ZNF268: variants seen among roughly 807,000 people sequenced by gnomAD.
ZNF268 encodes the protein zinc finger protein 268.
ZNF268 carries 20 observed loss-of-function variants against 29.3 expected under a neutral mutation model. The ratio of observed to expected loss-of-function variants is 0.68; its 90% confidence interval spans 0.48 to 0.99. ZNF268 has a LOEUF of 0.99. ZNF268 is among the 50% of genes least tolerant of loss of function. The pLI is 0.00. For synonymous variants in ZNF268, 429 were observed against 376.9 expected, an observed-to-expected ratio of 1.14 and a Z score of -1.60; for missense variants, 1,240 against 1,121.6, an observed-to-expected ratio of 1.11 and a Z score of -1.51.
intron 5 of ZNF268, among the ~76,000 whole-genome samples, chr12:133,195,860 G>T (rs1956579533): frequency 6.6e-6 from 1 of 151,888 alleles, no homozygotes; most frequent in Admixed American, 6.5e-5. Context: ...TGGGATTACA[G>T]GTACGCGCTA....
rs775640592 is a variant in ZNF268 at position 133,202,787 on chromosome 12, A to G, written c.1101A>G (p.Lys367=). 12 of 1,609,626 alleles carry G rather than the reference A, an allele frequency of 7.5e-6. No individual in the cohort carries two copies. Among genetic ancestry groups the G allele is most frequent in the Middle Eastern group, 3.3e-4 (2 of 6,084 alleles). ...ENPYECCECG[K]VFSRKDQLVS... is the part of the protein sequence containing the mutation. ...CCTATGAGTGCTGTGAATGTGGGAA[A>G]GTCTTCAGTAGGAAAGACCAGCTTG... Residue 367 remains lysine, a synonymous_variant, in exon 6 of 6, where the codon AAA becomes AAG. Coordinates refer to ENST00000536435, the MANE Select transcript of ZNF268 (RefSeq NM_003415.3).
At position 133,211,171 on chromosome 12, in the gene ZNF268, T is replaced by A; in HGVS notation, c.*6641T>A. ...TTGGAATTTGTAATGAATAAAATCATTCAAAAAAATCTGAAAAAGTGTTTG... is the reference window on the plus strand; with the variant it reads ...TTGGAATTTGTAATGAATAAAATCAATCAAAAAAATCTGAAAAAGTGTTTG... On this transcript the variant is annotated 3_prime_UTR_variant, in exon 6 of 6. Transcript: ENST00000536435. 2 of 348,538 alleles carry A rather than the reference T, an allele frequency of 5.7e-6. No individual in the cohort carries two copies. The highest frequency in any genetic ancestry group is 1.1e-5 in the Non-Finnish European group (2 of 175,298). 21.6% of individuals were successfully genotyped at this position (348,538 alleles called of 1,614,324 possible).
intron 5 of ZNF268, among the ~76,000 whole-genome samples, chr12:133,201,623 TC>T (rs1361288214): frequency 6.6e-6 from 1 of 152,112 alleles, no homozygotes; most frequent in East Asian, 1.9e-4. Context: ...GGAATGATGT[TC>T]CCTCTCAGTT....
In ZNF268 at chr12:133,187,861, T is replaced by G. The variant is rs938132477; in HGVS notation, c.34-11T>G. On this transcript the variant is annotated splice_polypyrimidine_tract_variant and intron_variant, in intron 2 of 5. Transcript: ENST00000536435. Reference sequence around the variant, plus strand: ...ATGCTCGCTAAAGTAAATTTGCTCTTGAGTCCACAGGTCCCACCTCTCCAA... The same window carrying G: ...ATGCTCGCTAAAGTAAATTTGCTCTGGAGTCCACAGGTCCCACCTCTCCAA... 7.0e-6 allele frequency: 11 copies of G among 1,578,210 alleles called. No individual in the cohort carries two copies. The African/African-American group carries it at 1.2e-4, about 17-fold the overall frequency.
rs1956845639 is a variant in ZNF268 at position 133,204,340 on chromosome 12, C to G, written c.2654C>G (p.Thr885Ser). 1 of 1,568,172 alleles carries G rather than the reference C, an allele frequency of 6.4e-7. No individual in the cohort carries two copies. Among genetic ancestry groups the G allele is most frequent in the Non-Finnish European group, 8.6e-7 (1 of 1,160,470 alleles). The change falls in exon 6 of 6, where the codon ACT becomes AGT. Residue 885 changes from threonine (T) to serine (S), a missense_variant. Thr to Ser is a moderately conservative substitution (Grantham distance 58). Around this residue, in one of 3 missense-constraint regions of ZNF268, gnomAD observed 1,177 missense variants for 1,039.6 expected, o/e 1.13. Transcript: ENST00000536435. Reference sequence around the variant, plus strand: ...TCTCAACTCATTGTACATCAAAGAACTCATTCAGGAGAGAAACCCTATGGG... The same window carrying G: ...TCTCAACTCATTGTACATCAAAGAAGTCATTCAGGAGAGAAACCCTATGGG... Reference protein sequence around the residue: ...RNSQLIVHQRTHSGEKPYGCN... With the variant: ...RNSQLIVHQRSHSGEKPYGCN...
intron 3 of ZNF268, 64 bp from the exon 4 acceptor site, chr12:133,191,425 A>G: frequency 2.5e-6 from 4 of 1,604,788 alleles, no homozygotes; most frequent in Non-Finnish European, 1.7e-6. Context: ...GGACACCCTA[A>G]ACAGCTAGTT....
At chr12:133,196,793 A>G (rs560573587) in intron 5 of ZNF268, among the ~76,000 whole-genome samples, 1 of 152,250 alleles carries the variant, frequency 6.6e-6, no homozygotes, top group Admixed American at 6.5e-5. Flanking sequence ...TTGTTAGTGC[A>G]TTAACGGAAG....
Position 133,191,571 on chromosome 12 carries a change from A to ACAGGAG in ZNF268, c.318_323dup (p.Arg107_Ser108dup). 1 of 1,614,134 alleles carries ACAGGAG rather than the reference A, an allele frequency of 6.2e-7. No individual in the cohort carries two copies. The highest frequency in any genetic ancestry group is 8.5e-7 in the Non-Finnish European group (1 of 1,180,012). Reference sequence around the variant, plus strand: ...CTAGACCCAGCACAGAAGTGCCTGTACAGGAGTGTGATGTTGGAGAACTAT... The same window carrying ACAGGAG: ...CTAGACCCAGCACAGAAGTGCCTGTACAGGAGCAGGAGTGTGATGTTGGAGAACTAT... On this transcript the variant is annotated inframe_insertion, in exon 4 of 6. Transcript: ENST00000536435.
chr12:133,200,253 AC>A (rs1290889229), intron 5 of ZNF268, among the ~76,000 whole-genome samples: 1 of 152,218 alleles, frequency 6.6e-6, no homozygotes, highest in African/African-American at 2.4e-5. Flanking sequence ...GTTTCAAAGA[AC>A]ATCTTTATTT....
chr12:133,210,983 A>G lies in ZNF268; in HGVS notation c.*6453A>G, dbSNP rs908915736. ...AGTCCCAGTGAACCCCTGAAATTCAATCTTACGATTTTCCATGCCATAATT... is the reference window on the plus strand; with the variant it reads ...AGTCCCAGTGAACCCCTGAAATTCAGTCTTACGATTTTCCATGCCATAATT... On this transcript the variant is annotated 3_prime_UTR_variant, in exon 6 of 6. Transcript: ENST00000536435. 2.2e-5 allele frequency: 10 copies of G among 455,940 alleles called. No individual in the cohort carries two copies. Among genetic ancestry groups the G allele is most frequent in the Non-Finnish European group, 3.5e-5 (8 of 226,814 alleles). The allele number at this position is 455,940 out of a possible 1,614,324, so 28.2% of individuals were successfully genotyped here. A position where few individuals can be genotyped will look rare whatever the true frequency, so the allele number is the denominator to read the frequency against.
rs1204276611 is a variant in ZNF268 at position 133,204,467 on chromosome 12, A to G, written c.2781A>G (p.Lys927=). ...EKPCKCTECG[K]AFCWKSQLIM... is the part of the protein sequence containing the mutation. The stretch of plus-strand genomic sequence containing the variant: ...CTTGTAAGTGCACTGAATGTGGGAA[A>G]GCCTTTTGTTGGAAGTCACAGCTCA... The change falls in exon 6 of 6, where the codon AAA becomes AAG. Residue 927 remains lysine, a synonymous_variant. Transcript: ENST00000536435. 6 of 1,551,742 alleles carry G rather than the reference A, an allele frequency of 3.9e-6. No homozygotes were observed. Among genetic ancestry groups the G allele is most frequent in the South Asian group, 2.4e-5 (2 of 84,952 alleles).
rs768155954 is a variant in ZNF268 at position 133,204,323 on chromosome 12, C to T, written c.2637C>T (p.Leu879=). The T allele has an allele frequency of 6.4e-7, 1 of 1,562,928 alleles. No homozygotes were observed. The highest frequency in any genetic ancestry group is 8.6e-7 in the Non-Finnish European group (1 of 1,157,612). ...AAGCCTTCATTAGGAATTCTCAACT[C>T]ATTGTACATCAAAGAACTCATTCAG... ...CGKAFIRNSQ[L]IVHQRTHSGE... is the part of the protein sequence containing the mutation. Residue 879 remains leucine (L), a synonymous_variant, in exon 6 of 6, where the codon CTC becomes CTT. Transcript: ENST00000536435.
Position 133,202,847 on chromosome 12 carries a change from A to G in ZNF268, c.1161A>G (p.Pro387=), listed in dbSNP as rs748288411. The G allele has an allele frequency of 2.0e-5, 32 of 1,585,352 alleles. No homozygotes were observed. The highest frequency in any genetic ancestry group is 1.2e-4 in the African/African-American group (9 of 74,540). Residue 387 remains proline, a synonymous_variant, in exon 6 of 6, where the codon CCA becomes CCG. Transcript: ENST00000536435. ...AGAAAACTCATTCAGGACAGAAACC[A>G]TATGTGTGTAATGAATGTGGGAAAG... ...SHQKTHSGQK[P]YVCNECGKAF...
Position 133,214,528 on chromosome 12 carries a change from G to A in ZNF268, c.*9998G>A, listed in dbSNP as rs1331928724. 1 of 152,184 alleles carries A rather than the reference G, an allele frequency of 6.6e-6. No individual in the cohort carries two copies. The highest frequency in any genetic ancestry group is 6.5e-5 in the Admixed American group (1 of 15,278). The allele number at this position is 152,184 out of a possible 1,614,324, so 9.4% of individuals were successfully genotyped here. ...CTACAAAGATAAAAATAAAAGCAAT[G>A]TGCAGAAAGAGGCTGGCCACAAAAA... On this transcript the variant is annotated 3_prime_UTR_variant, in exon 6 of 6. Coordinates refer to ENST00000536435, the MANE Select transcript of ZNF268 (RefSeq NM_003415.3).
In ZNF268 at chr12:133,206,107, A is replaced by G. The variant is rs575163686; in HGVS notation, c.*1577A>G. On this transcript the variant is annotated 3_prime_UTR_variant, in exon 6 of 6. Transcript: ENST00000536435. ...GCATTAGCCATTGTGTATCTTTTGC[A>G]TACAGCTTACTAAATCAGATGGCTT... The G allele has an allele frequency of 6.6e-6, 1 of 152,318 alleles. No individual in the cohort carries two copies. Among genetic ancestry groups the G allele is most frequent in the South Asian group, 2.1e-4 (1 of 4,824 alleles). The allele number at this position is 152,318 out of a possible 1,614,324, so 9.4% of individuals were successfully genotyped here. A position where few individuals can be genotyped will look rare whatever the true frequency, so the allele number is the denominator to read the frequency against.
rs142191268 is a variant in ZNF268 at position 133,186,277 on chromosome 12, A to G, written c.34-1595A>G. Among the ~76,000 whole-genome samples the G allele has an allele frequency of 2.8e-4, 42 of 152,164 alleles. 1 individual carries two copies. Among genetic ancestry groups the G allele is most frequent in the Middle Eastern group, 3.4e-3 (1 of 294 alleles). ...GAGGATTTCTTGAGGCAGAGATTCTAGGATCCTAGACCCTGAAATGTAGAG... is the reference window on the plus strand; with the variant it reads ...GAGGATTTCTTGAGGCAGAGATTCTGGGATCCTAGACCCTGAAATGTAGAG... On this transcript the variant is annotated intron_variant, in intron 2 of 5. Coordinates refer to ENST00000536435, the MANE Select transcript of ZNF268 (RefSeq NM_003415.3).
Position 133,203,591 on chromosome 12 carries a change from A to G in ZNF268, c.1905A>G (p.Thr635=), listed in dbSNP as rs755769676. ...SNLIVHQRTH[T]GEKPYSCNEC... ...TGATTGTACATCAGAGAACTCATAC[A>G]GGAGAGAAACCCTATAGTTGTAATG... Residue 635 remains threonine (T), a synonymous_variant, in exon 6 of 6, where the codon ACA becomes ACG. Transcript: ENST00000536435. The G allele has an allele frequency of 6.4e-7, 1 of 1,569,870 alleles. No individual in the cohort carries two copies. Among genetic ancestry groups the G allele is most frequent in the South Asian group, 1.2e-5 (1 of 86,338 alleles).
At position 133,203,737 on chromosome 12, in the gene ZNF268, T is replaced by G. The variant is rs759717375; in HGVS notation, c.2051T>G (p.Ile684Ser). 3 of 1,555,410 alleles carry G rather than the reference T, an allele frequency of 1.9e-6. No homozygotes were observed. The African/African-American group carries it at 4.1e-5, about 21-fold the overall frequency. ...AKTFSLKSQL[I>S]VHQRSHTGVK... Reference sequence around the variant, plus strand: ...ACCTTTAGTTTGAAGTCCCAGCTCATTGTACATCAGAGAAGTCACACAGGA... The same window carrying G: ...ACCTTTAGTTTGAAGTCCCAGCTCAGTGTACATCAGAGAAGTCACACAGGA... The change falls in exon 6 of 6, where the codon ATT (isoleucine) becomes AGT (serine). Residue 684 changes from isoleucine to serine, a missense_variant. Ile to Ser is a moderately radical substitution (Grantham distance 142, BLOSUM62 -2). Coordinates refer to ENST00000536435, the MANE Select transcript of ZNF268 (RefSeq NM_003415.3).
In ZNF268 at chr12:133,181,990, C is replaced by G. The variant is rs1219294475; in HGVS notation, c.-8C>G. The G allele has an allele frequency of 6.4e-7, 1 of 1,564,576 alleles. No individual in the cohort carries two copies. The highest frequency in any genetic ancestry group is 1.2e-5 in the South Asian group (1 of 84,760). ...CTTCCAGCGAGGCACACAAAACTGA[C>G]CGTAGGGATGGCCACCAGGGTCCGG... On this transcript the variant is annotated 5_prime_UTR_variant, in exon 2 of 6. Transcript: ENST00000536435.
Sources: allele counts gnomAD v4.1 joint callset (sites outside exome capture counted in the v4.1 genomes callset), GRCh38; gene constraint gnomAD v4.1.1; regional missense constraint gnomAD v4.1.1; transcripts MANE v1.5; gene names NCBI Gene and HGNC (gene_info 2026-07-23, HGNC 2026-07-21).